Variants in ZFHX4 observed in about 807,000 individuals in gnomAD.
ZFHX4 encodes zinc finger homeobox protein 4.
ZFHX4 carries 56 observed loss-of-function variants against 267.6 expected under a neutral mutation model. The ratio of observed to expected loss-of-function variants is 0.21; its 90% CI spans 0.17 to 0.26. The LOEUF (loss-of-function observed/expected upper bound fraction) is 0.26, where lower values mean the gene tolerates loss of function less well. Among genes scored for constraint, ZFHX4 ranks in the 10% least tolerant of loss-of-function variants. The pLI, the probability that ZFHX4 is intolerant of heterozygous loss-of-function variation, is 1.00. For synonymous variants in ZFHX4, 1,778 were observed against 1,665.6 expected (o/e 1.07, Z -1.64); for missense variants, 4,332 against 4,420.0 (o/e 0.98, Z 0.56).
intron 3 of ZFHX4, among the ~76,000 whole-genome samples, chr8:76,766,656 T>C (rs981607203): frequency 1.3e-5 from 2 of 151,978 alleles, no homozygotes; most frequent in Non-Finnish European, 2.9e-5. Context: ...AAAATAATAA[T>C]AGAAAATTTA....
intron 4 of ZFHX4, among the ~76,000 whole-genome samples, chr8:76,820,037 G>A (rs148503225): frequency 1.2e-4 from 18 of 152,212 alleles, no homozygotes; most frequent in Non-Finnish European, 7.4e-5. Flanking sequence ...TTATTCCCAC[G>A]TTACTTACAT....
intron 4 of ZFHX4, among the ~76,000 whole-genome samples, chr8:76,811,714 A>G (rs1003275997): frequency 7.2e-5 from 11 of 152,342 alleles, no homozygotes; most frequent in African/African-American, 2.6e-4. Context: ...ATAAACATAC[A>G]ATCAGATGCT....
At chr8:76,723,739 TAAAC>T (rs561818958) in intron 3 of ZFHX4, among the ~76,000 whole-genome samples, 45 of 152,116 alleles carry the variant, frequency 3.0e-4, no homozygotes, top group African/African-American at 1.1e-3. Context: ...ACTCACCTAT[TAAAC>T]AAAGAAATGA....
chr8:76,758,937 C>G (rs1033625135), intron 3 of ZFHX4, among the ~76,000 whole-genome samples: 3 of 152,086 alleles, frequency 2.0e-5, no homozygotes, highest in African/African-American at 7.2e-5. Flanking sequence ...TGAAATACAT[C>G]TGGGAATGTA....
At chr8:76,797,845 T>A (rs1396711067) in intron 4 of ZFHX4, among the ~76,000 whole-genome samples, 1 of 151,882 alleles carries the variant, frequency 6.6e-6, no homozygotes, top group African/African-American at 2.4e-5. Context: ...ACTAAACGTT[T>A]GACCTGGTAT....
rs543377588 is a variant in ZFHX4, at chr8:76,704,553, G to T, written c.465G>T (p.Gly155=). 1 of 1,613,906 alleles carries T rather than the reference G, an allele frequency of 6.2e-7. No individual in the cohort carries two copies. The highest frequency in any genetic ancestry group is 1.7e-5 in the Admixed American group (1 of 60,008). The stretch of plus-strand genomic sequence containing the variant: ...AAAGTGGGCAGAATGCACAGACTGG[G>T]GCAAATAGCAAACTCTTTTCTACAG... ...SKESGQNAQT[G]ANSKLFSTAM... Residue 155 remains glycine (G), a synonymous_variant, in exon 2 of 11, where the codon GGG becomes GGT. Transcript: ENST00000651372.
At position 76,819,355 on chromosome 8, in the gene ZFHX4, A is replaced by T. The variant is rs1273198062; in HGVS notation, c.3326-13983A>T. Among the ~76,000 whole-genome samples the T allele has an allele frequency of 2.0e-5, 3 of 152,166 alleles. No individual in the cohort carries two copies. The East Asian group carries it at 5.8e-4, about 29-fold the overall frequency. On this transcript the variant is annotated intron_variant, in intron 4 of 10. Coordinates refer to ENST00000651372, the MANE Select transcript of ZFHX4 (RefSeq NM_024721.5). ...ATGTAAGTCATTTTTATATCTTTCT[A>T]AATAAAAAGGATTGATTAAACAGAA...
Position 76,863,966 on chromosome 8 carries a change from G to T in ZFHX4, c.10252G>T (p.Ala3418Ser), listed in dbSNP as rs374431158. 2 of 1,611,622 alleles carry T rather than the reference G, an allele frequency of 1.2e-6. No homozygotes were observed. The highest frequency in any genetic ancestry group is 1.3e-5 in the African/African-American group (1 of 74,886). Residue 3418 changes from alanine (A) to serine (S), a missense_variant, in exon 11 of 11, where the codon GCA becomes TCA. By Grantham distance (99) the Ala-to-Ser change is moderately conservative (BLOSUM62 1). Coordinates refer to ENST00000651372, the MANE Select transcript of ZFHX4 (RefSeq NM_024721.5). The part of the protein sequence containing the change: ...CQMMFTDEDA[A>S]VNHQKSFCYF... ...GATGATGTTTACTGATGAAGACGCC[G>T]CAGTAAATCATCAAAAGTCCTTCTG... is the stretch of plus-strand genomic sequence containing the variant.
In ZFHX4 at chr8:76,684,080, G is replaced by A. The variant is rs553527179; in HGVS notation, c.-47+2460G>A. On this transcript the variant is annotated intron_variant, in intron 1 of 10. Coordinates refer to ENST00000651372, the MANE Select transcript of ZFHX4 (RefSeq NM_024721.5). ...TTTTTCTGTTTCTTTACTAACTGAA[G>A]ACTAAAAACAATTGTGTATAGAAAT... 3.3e-5 allele frequency: 5 copies of A among 151,258 alleles called. No homozygotes were observed. In the East Asian group the frequency reaches 9.7e-4, roughly 29 times the overall value. The allele number at this position is 151,258 out of a possible 1,614,324, so 9.4% of individuals were successfully genotyped here. A position where few individuals can be genotyped will look rare whatever the true frequency, so the allele number is the denominator to read the frequency against.
intron 3 of ZFHX4, among the ~76,000 whole-genome samples, chr8:76,731,175 A>AT: frequency 6.6e-6 from 1 of 152,136 alleles, no homozygotes; most frequent in East Asian, 1.9e-4. Context: ...AAAAACACAC[A>AT]TTTTTCTCTC....
Position 76,750,769 on chromosome 8 carries a change from T to A in ZFHX4, c.3094-27439T>A, listed in dbSNP as rs148156652. On this transcript the variant is annotated intron_variant, in intron 3 of 10. Transcript: ENST00000651372. ...AAGTGAAAAAAATCAGTGGCAGTACTGGGGCTCAAACCCAGGAATGAATCT... is the reference window on the plus strand; with the variant it reads ...AAGTGAAAAAAATCAGTGGCAGTACAGGGGCTCAAACCCAGGAATGAATCT... 2.7e-4 allele frequency among the ~76,000 whole-genome samples: 41 copies of A among 152,258 alleles called. No homozygotes were observed. The East Asian group carries it at 7.7e-3, about 29-fold the overall frequency.
At chr8:76,741,789 T>C (rs1809323060) in intron 3 of ZFHX4, among the ~76,000 whole-genome samples, 1 of 152,210 alleles carries the variant, frequency 6.6e-6, no homozygotes, top group Admixed American at 6.5e-5. Flanking sequence ...ACCACTTTTT[T>C]TCAGAATGTG....
chr8:76,824,312 T>C (rs1265503836), intron 4 of ZFHX4, among the ~76,000 whole-genome samples: 2 of 152,232 alleles, frequency 1.3e-5, no homozygotes, highest in African/African-American at 4.8e-5. Context: ...GGGAATAATC[T>C]AGAAAATTAC....
chr8:76,852,589 T>G lies in ZFHX4; in HGVS notation c.5668T>G (p.Ser1890Ala). 2 of 1,611,956 alleles carry G rather than the reference T, an allele frequency of 1.2e-6. No homozygotes were observed. Among genetic ancestry groups the G allele is most frequent in the Non-Finnish European group, 1.7e-6 (2 of 1,178,894 alleles). Residue 1890 changes from serine (S) to alanine (A), a missense_variant, in exon 10 of 11, where the codon TCC (serine) becomes GCC (alanine). This residue lies in a region of ZFHX4 where 1,371 missense variants were observed against 1,423.1 expected (regional missense o/e 0.96). Coordinates refer to ENST00000651372, the MANE Select transcript of ZFHX4 (RefSeq NM_024721.5). ...KEGKDTKKQK[S>A]LEPSIPPPRI... ...AGGCAAAGACACAAAGAAGCAAAAA[T>G]CCTTGGAACCATCCATCCCACCACC... is the stretch of plus-strand genomic sequence containing the variant.
At chr8:76,734,809 A>G (rs1809114982) in intron 3 of ZFHX4, among the ~76,000 whole-genome samples, 1 of 152,188 alleles carries the variant, frequency 6.6e-6, no homozygotes, top group South Asian at 2.1e-4. Context: ...TCTTTGAAAT[A>G]TATTCAAGAA....
Position 76,851,186 on chromosome 8 carries a change from G to A in ZFHX4, c.4265G>A (p.Arg1422Gln), listed in dbSNP as rs764104033. The A allele has an allele frequency of 1.7e-5, 28 of 1,613,702 alleles. No homozygotes were observed. The highest frequency in any genetic ancestry group is 1.6e-4 in the Middle Eastern group (1 of 6,084). The change falls in exon 10 of 11, where the codon CGG becomes CAG. Residue 1422 changes from arginine (R) to glutamine (Q), a missense_variant. By Grantham distance (43) the Arg-to-Gln change is conservative. This residue lies in a region of ZFHX4 where 1,371 missense variants were observed against 1,423.1 expected (regional missense o/e 0.96). Transcript: ENST00000651372. Reference sequence around the variant, plus strand: ...ATACATTCCCAGTATCATGCAATTCGGGCTGCGACAATGTGTAACCTCTGC... The same window carrying A: ...ATACATTCCCAGTATCATGCAATTCAGGCTGCGACAATGTGTAACCTCTGC... ...LQIHSQYHAI[R>Q]AATMCNLCQR... is the part of the protein sequence containing the mutation.
intron 4 of ZFHX4, among the ~76,000 whole-genome samples, chr8:76,781,214 G>A (rs1810537138): frequency 6.6e-6 from 1 of 151,882 alleles, no homozygotes; most frequent in African/African-American, 2.4e-5. Context: ...TCTTCTGTTT[G>A]TTCCTTACTA....
chr8:76,809,019 T>C (rs955311043), intron 4 of ZFHX4, among the ~76,000 whole-genome samples: 8 of 151,956 alleles, frequency 5.3e-5, no homozygotes, highest in Non-Finnish European at 8.8e-5. Context: ...CAGCCTCTTA[T>C]CTAGTGCACC....
chr8:76,842,849 C>A (rs369363925), intron 6 of ZFHX4, 78 bp downstream of exon 6: 2 of 1,004,280 alleles, frequency 2.0e-6, no homozygotes, highest in African/African-American at 1.6e-5. Flanking sequence ...ACCATCCCCC[C>A]ACCCCACAAA....
Sources: allele counts gnomAD v4.1 joint callset (sites outside exome capture counted in the v4.1 genomes callset), GRCh38; gene constraint gnomAD v4.1.1; regional missense constraint gnomAD v4.1.1; transcripts MANE v1.5; gene names NCBI Gene and HGNC (gene_info 2026-07-23, HGNC 2026-07-21).